Variants in POU2F1 observed in about 807,000 individuals in gnomAD.
POU2F1 encodes POU class 2 homeobox 1.
In POU2F1, 16 loss-of-function variants were observed where a neutral mutation model predicts 84.9. The observed-to-expected ratio is 0.19, with a 90% CI of 0.13 to 0.29. The LOEUF is 0.29. Among genes scored for constraint, POU2F1 ranks in the 10% least tolerant of loss-of-function variants. The probability of loss-of-function intolerance (pLI) is 1.00; values close to 1 mark genes in which losing one functional copy is unlikely to be tolerated. For missense variants in POU2F1, 738 were observed against 942.6 expected, an observed-to-expected ratio of 0.78 and a Z score of 2.84; for synonymous variants, 368 against 368.3, an observed-to-expected ratio of 1.00 and a Z score of 0.01.
At chr1:167,386,166 A>C (rs958395476) in intron 8 of POU2F1, among the ~76,000 whole-genome samples, 1 of 151,962 alleles carries the variant, frequency 6.6e-6, no homozygotes. Context: ...TGGTATACAC[A>C]CTTTGGAAAT....
At chr1:167,314,515 G>A (rs376271233) in intron 1 of POU2F1, among the ~76,000 whole-genome samples, 40 of 151,930 alleles carry the variant, frequency 2.6e-4, no homozygotes, top group Non-Finnish European at 5.0e-4. Context: ...GGTGGTTGTC[G>A]CCTGTAATCC....
intron 9 of POU2F1, among the ~76,000 whole-genome samples, chr1:167,395,604 T>A (rs1200106634): frequency 6.6e-6 from 1 of 152,122 alleles, no homozygotes; most frequent in East Asian, 1.9e-4. Flanking sequence ...TTTTCTTTTT[T>A]AAATTTTTTT....
chr1:167,393,255 C>T (rs899886624), intron 9 of POU2F1, among the ~76,000 whole-genome samples: 1 of 152,112 alleles, frequency 6.6e-6, no homozygotes, highest in Non-Finnish European at 1.5e-5. Flanking sequence ...CACGAAAGAG[C>T]ATTAAACCAA....
intron 7 of POU2F1, among the ~76,000 whole-genome samples, chr1:167,382,319 G>C (rs6684138): frequency 0.02 from 3,059 of 152,268 alleles, 105 homozygotes; most frequent in African/African-American, 0.069. Flanking sequence ...GGTGAGGAAG[G>C]ATGAGGGAGA....
intron 1 of POU2F1, among the ~76,000 whole-genome samples, chr1:167,327,745 C>T (rs1039447654): frequency 1.3e-5 from 2 of 152,184 alleles, no homozygotes; most frequent in South Asian, 2.1e-4. Context: ...CAATTCCCTA[C>T]GTGTTTAACT....
intron 6 of POU2F1, among the ~76,000 whole-genome samples, chr1:167,375,045 TAAG>T (rs771320702): frequency 1.3e-5 from 2 of 151,548 alleles, no homozygotes; most frequent in Non-Finnish European, 2.9e-5. Flanking sequence ...AAAAAAAAAT[TAAG>T]AAGCATACAC....
rs1019889368 is a variant in POU2F1 at position 167,421,117 on chromosome 1, G to A, written c.*5307G>A. 34 of 152,140 alleles carry A rather than the reference G, an allele frequency of 2.2e-4. No individual in the cohort carries two copies. Among genetic ancestry groups the A allele is most frequent in the African/African-American group, 8.2e-4 (34 of 41,426 alleles). 9.4% of individuals were successfully genotyped at this position (152,140 alleles called of 1,614,324 possible). A position where few individuals can be genotyped will look rare whatever the true frequency, so the allele number is the denominator to read the frequency against. On this transcript the variant is annotated 3_prime_UTR_variant, in exon 16 of 16. Coordinates refer to ENST00000367866, the MANE Select transcript of POU2F1 (RefSeq NM_002697.4). ...TCCTGGCTATTTGATGTCATTTTCAGTTTTACAACATTTTGAGGATGACAC... is the reference window on the plus strand; with the variant it reads ...TCCTGGCTATTTGATGTCATTTTCAATTTTACAACATTTTGAGGATGACAC...
At chr1:167,336,655 G>A (rs888362651) in intron 2 of POU2F1, among the ~76,000 whole-genome samples, 4 of 152,008 alleles carry the variant, frequency 2.6e-5, no homozygotes, top group African/African-American at 4.8e-5. Flanking sequence ...AAAAAGAAAA[G>A]GAAATTCATG....
At chr1:167,226,875 C>T (rs1648669065) in intron 1 of POU2F1, among the ~76,000 whole-genome samples, 1 of 152,178 alleles carries the variant, frequency 6.6e-6, no homozygotes, top group Non-Finnish European at 1.5e-5. Flanking sequence ...CATTTGCTGA[C>T]AGGACTAGTA....
chr1:167,283,645 G>A (rs1216973557), intron 1 of POU2F1, among the ~76,000 whole-genome samples: 3 of 152,142 alleles, frequency 2.0e-5, no homozygotes, highest in Admixed American at 1.3e-4. Flanking sequence ...GCACTTTGTG[G>A]GTAGGAATGT....
At chr1:167,329,468 T>C (rs1259308286) in intron 1 of POU2F1, among the ~76,000 whole-genome samples, 1 of 152,182 alleles carries the variant, frequency 6.6e-6, no homozygotes, top group African/African-American at 2.4e-5. Flanking sequence ...AGCACAAGCT[T>C]ACTTGAATTT....
intron 1 of POU2F1, among the ~76,000 whole-genome samples, chr1:167,313,566 A>G (rs1056027246): frequency 1.2e-4 from 18 of 152,182 alleles, no homozygotes; most frequent in African/African-American, 3.4e-4. Context: ...AAACAATTCA[A>G]TGGAGTAAGG....
rs556333329 is a variant in POU2F1, at chr1:167,347,066, G to A, written c.127+14531G>A. On this transcript the variant is annotated intron_variant, in intron 2 of 15. Transcript: ENST00000367866. ...TTTCTGTGAACTTCATTTGGAATTT[G>A]TCCTTGCTTATCAAGGTGATGTAGT... 6.6e-5 allele frequency among the ~76,000 whole-genome samples: 10 copies of A among 152,244 alleles called. 1 individual carries two copies. In the Middle Eastern group the frequency reaches 0.01, roughly 155 times the overall value.
intron 1 of POU2F1, among the ~76,000 whole-genome samples, chr1:167,240,245 A>G (rs1223850754): frequency 1.3e-5 from 2 of 152,230 alleles, no homozygotes; most frequent in African/African-American, 2.4e-5. Flanking sequence ...TTCATGTAGA[A>G]TAAGGGCTGT....
chr1:167,233,636 A>G (rs1297403299), intron 1 of POU2F1, among the ~76,000 whole-genome samples: 2 of 152,230 alleles, frequency 1.3e-5, no homozygotes, highest in African/African-American at 4.8e-5. Flanking sequence ...CTAATGACAT[A>G]GCATCGTTAA....
In POU2F1 at chr1:167,419,576, GCTT is replaced by G. The variant is rs1196092760; in HGVS notation, c.*3769_*3771del. On this transcript the variant is annotated 3_prime_UTR_variant, in exon 16 of 16. Transcript: ENST00000367866. ...ACAGAGCAGAAAGACCTAAAAAAGGGCTTCTCACAGGAACAATATTACTATGTT... is the reference window on the plus strand; with the variant it reads ...ACAGAGCAGAAAGACCTAAAAAAGGGCTCACAGGAACAATATTACTATGTT... 2 of 152,158 alleles carry G rather than the reference GCTT, an allele frequency of 1.3e-5. 1 individual carries two copies. 9.4% of individuals were successfully genotyped at this position (152,158 alleles called of 1,614,324 possible). A position where few individuals can be genotyped will look rare whatever the true frequency, so the allele number is the denominator to read the frequency against.
chr1:167,325,413 T>C (rs1046512595), intron 1 of POU2F1, among the ~76,000 whole-genome samples: 6 of 152,170 alleles, frequency 3.9e-5, no homozygotes, highest in African/African-American at 1.2e-4. Flanking sequence ...GCTATTCATA[T>C]AGAACATGAC....
At chr1:167,322,642 C>G (rs528981854) in intron 1 of POU2F1, among the ~76,000 whole-genome samples, 1 of 152,298 alleles carries the variant, frequency 6.6e-6, no homozygotes, top group South Asian at 2.1e-4. Context: ...GAGACCCTAA[C>G]CCAGTGGCGC....
chr1:167,412,929 C>T (rs988918365), intron 14 of POU2F1, 97 bp from the exon 15 acceptor site: 6 of 911,800 alleles, frequency 6.6e-6, no homozygotes, highest in South Asian at 1.4e-5. Context: ...CCTATTTCCC[C>T]AGCTGGATTT....
Sources: gnomAD v4.1 joint callset for allele counts (sites outside exome capture counted in the v4.1 genomes callset) on GRCh38, gnomAD v4.1.1 for gene constraint, MANE v1.5 for transcripts, NCBI Gene and HGNC (gene_info 2026-07-23, HGNC 2026-07-21) for gene names.